Variants in PACRG observed in about 807,000 individuals in gnomAD.
The protein encoded by PACRG is parkin coregulated, also known as parkin coregulated gene protein.
Under a neutral mutation model 29.7 loss-of-function variants are expected in PACRG, and 29 were observed. That is an observed-to-expected ratio of 0.98 (90% CI 0.73 to 1.33). The LOEUF is 1.33. PACRG is among the 40% of genes most tolerant of loss of function. PACRG has a pLI of 0.00. For synonymous variants in PACRG, 116 were observed against 118.7 expected (o/e 0.98, Z 0.15); for missense variants, 279 against 316.2 (o/e 0.88, Z 0.89).
intron 4 of PACRG, among the ~76,000 whole-genome samples, chr6:163,126,492 A>G (rs1280683644): frequency 6.6e-6 from 1 of 152,210 alleles, no homozygotes; most frequent in Non-Finnish European, 1.5e-5. Flanking sequence ...GGCATTTACA[A>G]AAGGAACAGA....
chr6:163,198,490 C>T (rs1056549851), intron 4 of PACRG, among the ~76,000 whole-genome samples: 3 of 152,160 alleles, frequency 2.0e-5, no homozygotes, highest in Admixed American at 6.5e-5. Context: ...TCATTGTTCT[C>T]ACTTTACAAA....
At chr6:163,153,695 CA>C (rs1165635264) in intron 4 of PACRG, among the ~76,000 whole-genome samples, 1 of 152,136 alleles carries the variant, frequency 6.6e-6, no homozygotes, top group African/African-American at 2.4e-5. Flanking sequence ...GTGTCTTGAA[CA>C]GCAATAATCC....
intron 4 of PACRG, among the ~76,000 whole-genome samples, chr6:163,244,588 C>T (rs1022577529): frequency 1.3e-5 from 2 of 152,104 alleles, no homozygotes; most frequent in Non-Finnish European, 2.9e-5. Context: ...CACAAGAGCT[C>T]GTGAGGCTGA....
At chr6:163,107,865 A>C (rs1460322764) in intron 4 of PACRG, among the ~76,000 whole-genome samples, 1 of 152,052 alleles carries the variant, frequency 6.6e-6, no homozygotes, top group African/African-American at 2.4e-5. Flanking sequence ...TGCTCTATAA[A>C]TTTCTCCAAA....
rs1280595459 is a variant in PACRG, at chr6:162,747,349, TATATATATATATATACACATAC to T, written c.156+18967_156+18988del. ...TCATATATATATATATATATATATA[TATATATATATATATACACATAC>T]ATATATATGTATATATATGTATATA... On this transcript the variant is annotated intron_variant, in intron 1 of 4. Transcript: ENST00000366888. Among the ~76,000 whole-genome samples, 555 of 77,274 alleles carry T rather than the reference TATATATATATATATACACATAC, an allele frequency of 7.2e-3. 32 individuals are homozygous for T. The highest frequency in any genetic ancestry group is 0.033 in the African/African-American group (533 of 16,330). 50.7% of individuals were successfully genotyped at this position (77,274 alleles called of 152,430 possible). A position where few individuals can be genotyped will look rare whatever the true frequency, so the allele number is the denominator to read the frequency against.
intron 4 of PACRG, among the ~76,000 whole-genome samples, chr6:163,204,126 C>G (rs1286590942): frequency 6.6e-6 from 1 of 152,180 alleles, no homozygotes; most frequent in Non-Finnish European, 1.5e-5. Context: ...AGTTTCTTAC[C>G]TAAAGGGCTA....
At chr6:162,881,961 T>TGGGGG (rs57044539) in intron 2 of PACRG, among the ~76,000 whole-genome samples, 3 of 59,952 alleles carry the variant, frequency 5.0e-5, no homozygotes, top group Admixed American at 2.0e-4. Flanking sequence ...CAGAGATGGG[T>TGGGGG]GGGGGGGGGC....
intron 2 of PACRG, chr6:162,957,323 C>G: frequency 3.4e-6 from 2 of 582,728 alleles, no homozygotes; most frequent in South Asian, 3.7e-5. Flanking sequence ...CTGTCCTGAA[C>G]ACATTTAGCA....
chr6:162,893,346 A>G (rs1794927978), intron 2 of PACRG, among the ~76,000 whole-genome samples: 2 of 152,202 alleles, frequency 1.3e-5, no homozygotes, highest in Admixed American at 1.3e-4. Context: ...GGCAGGGTAA[A>G]TGGATGGCTC....
intron 4 of PACRG, among the ~76,000 whole-genome samples, chr6:163,110,430 G>T (rs972965182): frequency 1.3e-5 from 2 of 152,180 alleles, no homozygotes; most frequent in Non-Finnish European, 2.9e-5. Context: ...AGTTCAAAGT[G>T]CCAGTGACAA....
At chr6:162,985,696 T>C (rs1015313169) in intron 2 of PACRG, among the ~76,000 whole-genome samples, 1 of 152,090 alleles carries the variant, frequency 6.6e-6, no homozygotes, top group Non-Finnish European at 1.5e-5. Flanking sequence ...GTGCTGGTAT[T>C]CCTAGCCAGA....
Position 162,728,042 on chromosome 6 carries a change from G to C in PACRG, c.-194G>C, listed in dbSNP as rs900280400. The C allele has an allele frequency of 2.8e-6, 2 of 709,170 alleles. No homozygotes were observed. The highest frequency in any genetic ancestry group is 4.8e-5 in the Admixed American group (2 of 41,600). The allele number at this position is 709,170 out of a possible 1,614,324, so 43.9% of individuals were successfully genotyped here. A position where few individuals can be genotyped will look rare whatever the true frequency, so the allele number is the denominator to read the frequency against. Reference sequence around the variant, plus strand: ...CTAGCCAAGGTCCTGCCCTCTTCCCGCCCCGCCCCTAGGGTCCAGCTCCCT... The same window carrying C: ...CTAGCCAAGGTCCTGCCCTCTTCCCCCCCCGCCCCTAGGGTCCAGCTCCCT... On this transcript the variant is annotated 5_prime_UTR_variant, in exon 1 of 5. Transcript: ENST00000366888.
chr6:162,944,347 A>G (rs1798848667), intron 2 of PACRG, among the ~76,000 whole-genome samples: 1 of 152,208 alleles, frequency 6.6e-6, no homozygotes, highest in Non-Finnish European at 1.5e-5. Flanking sequence ...GAAAATTCAA[A>G]CAACTGGAGA....
intron 4 of PACRG, among the ~76,000 whole-genome samples, chr6:163,126,356 C>T (rs1816513526): frequency 6.6e-6 from 1 of 152,202 alleles, no homozygotes; most frequent in African/African-American, 2.4e-5. Context: ...ACCCATGGAA[C>T]ACCTGTTGAA....
intron 4 of PACRG, among the ~76,000 whole-genome samples, chr6:163,304,135 G>C (rs996962929): frequency 6.6e-6 from 1 of 151,772 alleles, no homozygotes; most frequent in Non-Finnish European, 1.5e-5. Flanking sequence ...AAGTTGAGGA[G>C]TACATGATTG....
At chr6:163,084,432 A>G (rs1354263934) in intron 3 of PACRG, among the ~76,000 whole-genome samples, 1 of 152,212 alleles carries the variant, frequency 6.6e-6, no homozygotes, top group Non-Finnish European at 1.5e-5. Flanking sequence ...AAGAAGAGAA[A>G]TAGAGGAACT....
intron 2 of PACRG, among the ~76,000 whole-genome samples, chr6:163,008,030 ATTG>A (rs1056296208): frequency 2.6e-5 from 4 of 152,138 alleles, no homozygotes; most frequent in Non-Finnish European, 4.4e-5. Flanking sequence ...GAATATTCTT[ATTG>A]TTGTTGTACT....
chr6:163,006,536 G>A (rs9458711), intron 2 of PACRG, among the ~76,000 whole-genome samples: 9,504 of 151,566 alleles, frequency 0.063, 813 homozygotes, highest in African/African-American at 0.19. Context: ...TGAGAGAATG[G>A]CATTGAAATA....
At chr6:162,857,816 T>C (rs1345627618) in intron 2 of PACRG, among the ~76,000 whole-genome samples, 1 of 151,994 alleles carries the variant, frequency 6.6e-6, no homozygotes, top group Non-Finnish European at 1.5e-5. Context: ...AGATCTAAGA[T>C]ATAAAATATG....
Sources: allele counts gnomAD v4.1 joint callset (sites outside exome capture counted in the v4.1 genomes callset), GRCh38; gene constraint gnomAD v4.1.1; transcripts MANE v1.5; gene names NCBI Gene and HGNC (gene_info 2026-07-23, HGNC 2026-07-21).